The following BRINP3 variants were observed in gnomAD, a reference collection of about 807,000 sequenced individuals.
The protein encoded by BRINP3 is BMP/retinoic acid inducible neural specific 3.
In BRINP3, 19 loss-of-function variants were observed where a neutral mutation model predicts 71.0. That is an observed-to-expected ratio of 0.27 (90% confidence interval 0.19 to 0.39). BRINP3 has a LOEUF of 0.39. Among genes scored for constraint, BRINP3 ranks in the 10% least tolerant of loss-of-function variants. The probability of loss-of-function intolerance (pLI) is 1.00; values close to 1 mark genes in which losing one functional copy is unlikely to be tolerated. For synonymous variants in BRINP3, 380 were observed against 337.7 expected (o/e 1.13, Z -1.37); for missense variants, 959 against 940.8 (o/e 1.02, Z -0.25).
At chr1:190,322,973 G>A (rs928108281) in intron 2 of BRINP3, among the ~76,000 whole-genome samples, 2 of 151,974 alleles carry the variant, frequency 1.3e-5, no homozygotes, top group Non-Finnish European at 2.9e-5. Context: ...TCAAAGCGCA[G>A]AAGGATTATG....
At chr1:190,300,666 G>T (rs188681619) in intron 2 of BRINP3, among the ~76,000 whole-genome samples, 1 of 152,040 alleles carries the variant, frequency 6.6e-6, no homozygotes. Flanking sequence ...AGCAGGGGCA[G>T]ACTGACACCT....
At chr1:190,376,007 A>G (rs1011402284) in intron 2 of BRINP3, among the ~76,000 whole-genome samples, 4 of 152,070 alleles carry the variant, frequency 2.6e-5, no homozygotes, top group South Asian at 2.1e-4. Context: ...CAGCAAAAGT[A>G]TATTTAAAAT....
chr1:190,398,723 T>C (rs554695652), intron 2 of BRINP3, among the ~76,000 whole-genome samples: 1 of 152,058 alleles, frequency 6.6e-6, no homozygotes, highest in Non-Finnish European at 1.5e-5. Flanking sequence ...CATTTTATTT[T>C]AATTTTGTAA....
chr1:190,415,119 G>C (rs1672929847), intron 2 of BRINP3, among the ~76,000 whole-genome samples: 1 of 152,174 alleles, frequency 6.6e-6, no homozygotes, highest in African/African-American at 2.4e-5. Context: ...GTGATAAAGA[G>C]AACCCTGCCT....
chr1:190,154,826 T>A (rs112841530), intron 7 of BRINP3, among the ~76,000 whole-genome samples: 21 of 152,142 alleles, frequency 1.4e-4, no homozygotes, highest in Non-Finnish European at 1.9e-4. Context: ...ACGTTTTTCA[T>A]GGAAAACCAT....
At chr1:190,145,005 C>T (rs58972830) in intron 7 of BRINP3, among the ~76,000 whole-genome samples, 1,902 of 152,234 alleles carry the variant, frequency 0.012, 55 homozygotes, top group African/African-American at 0.044. Flanking sequence ...CACATAGATA[C>T]CTAACCCCTG....
At chr1:190,199,561 G>A (rs1047594748) in intron 6 of BRINP3, among the ~76,000 whole-genome samples, 1 of 151,868 alleles carries the variant, frequency 6.6e-6, no homozygotes, top group South Asian at 2.1e-4. Flanking sequence ...TTATTTTTCT[G>A]TAATATTTGG....
At chr1:190,399,006 T>C (rs939746815) in intron 2 of BRINP3, among the ~76,000 whole-genome samples, 1 of 152,038 alleles carries the variant, frequency 6.6e-6, no homozygotes, top group South Asian at 2.1e-4. Context: ...GTTTCATGGC[T>C]AATATCTATT....
chr1:190,230,260 A>T (rs564802815), intron 5 of BRINP3, among the ~76,000 whole-genome samples: 1 of 151,998 alleles, frequency 6.6e-6, no homozygotes, highest in Non-Finnish European at 1.5e-5. Context: ...AAACAAATAT[A>T]AAATAATATT....
chr1:190,373,058 A>G (rs1558228529), intron 2 of BRINP3, among the ~76,000 whole-genome samples: 1 of 152,156 alleles, frequency 6.6e-6, no homozygotes, highest in East Asian at 1.9e-4. Flanking sequence ...AATTAGAATG[A>G]TATCCTCCCT....
intron 6 of BRINP3, among the ~76,000 whole-genome samples, chr1:190,184,365 G>A (rs1214580568): frequency 6.6e-6 from 1 of 152,040 alleles, no homozygotes; most frequent in African/African-American, 2.4e-5. Flanking sequence ...ATTCCACCCA[G>A]CAATCCCATT....
At chr1:190,342,829 G>A (rs1447037335) in intron 2 of BRINP3, 1 of 151,694 alleles carries the variant, frequency 6.6e-6, no homozygotes, top group African/African-American at 2.4e-5. Context: ...AATAAATATA[G>A]ATGTTTAAAC....
At chr1:190,401,922 A>G (rs897842388) in intron 2 of BRINP3, among the ~76,000 whole-genome samples, 3 of 151,944 alleles carry the variant, frequency 2.0e-5, no homozygotes, top group East Asian at 1.9e-4. Flanking sequence ...CTATTCTTCA[A>G]TTAGCAACTA....
At chr1:190,270,559 A>G (rs183700971) in intron 3 of BRINP3, among the ~76,000 whole-genome samples, 1 of 151,900 alleles carries the variant, frequency 6.6e-6, no homozygotes, top group Admixed American at 6.6e-5. Context: ...GCATACTCAT[A>G]GTAGTACGGT....
chr1:190,419,797 A>C (rs904976198), intron 2 of BRINP3, among the ~76,000 whole-genome samples: 1 of 151,918 alleles, frequency 6.6e-6, no homozygotes, highest in Non-Finnish European at 1.5e-5. Flanking sequence ...AAATACACAG[A>C]ATGTTAAAGC....
chr1:190,176,283 T>C (rs548434911), intron 6 of BRINP3, among the ~76,000 whole-genome samples: 2 of 152,184 alleles, frequency 1.3e-5, no homozygotes, highest in Non-Finnish European at 2.9e-5. Context: ...TGTTGAGAGA[T>C]GTGGGCTAGT....
chr1:190,438,417 G>T (rs1361467201), intron 2 of BRINP3, among the ~76,000 whole-genome samples: 2 of 151,584 alleles, frequency 1.3e-5, no homozygotes, highest in African/African-American at 4.8e-5. Context: ...AAAACAGGAT[G>T]ATATAATGGT....
chr1:190,401,248 C>G (rs1419219281), intron 2 of BRINP3, among the ~76,000 whole-genome samples: 1 of 151,804 alleles, frequency 6.6e-6, no homozygotes, highest in Non-Finnish European at 1.5e-5. Flanking sequence ...ATCCCAGCTA[C>G]TTGGGAGGAT....
chr1:190,400,656 T>C (rs987630371), intron 2 of BRINP3, among the ~76,000 whole-genome samples: 3 of 152,186 alleles, frequency 2.0e-5, no homozygotes, highest in African/African-American at 7.2e-5. Flanking sequence ...TTGTCACCTA[T>C]AAGCACCATT....
Sources: allele counts gnomAD v4.1 joint callset (sites outside exome capture counted in the v4.1 genomes callset), GRCh38; gene constraint gnomAD v4.1.1; transcripts MANE v1.5; gene names NCBI Gene and HGNC (gene_info 2026-07-23, HGNC 2026-07-21).